PCLO: variants seen among roughly 807,000 people sequenced by gnomAD.
PCLO encodes the protein piccolo presynaptic cytomatrix protein, also known as protein piccolo.
A neutral mutation model predicts 427.5 loss-of-function variants in PCLO; 82 were observed. The ratio of observed to expected loss-of-function variants is 0.19; its 90% confidence interval spans 0.16 to 0.23. The LOEUF is 0.23. Among genes scored for constraint, PCLO ranks in the 10% least tolerant of loss-of-function variants. PCLO has a pLI of 1.00. For missense variants in PCLO, 6,239 were observed against 6,115.9 expected (o/e 1.02, Z -0.67); for synonymous variants, 2,357 against 2,155.4 (o/e 1.09, Z -2.59).
intron 3 of PCLO, among the ~76,000 whole-genome samples, chr7:82,988,603 A>C (rs890620359): frequency 6.6e-6 from 1 of 152,092 alleles, no homozygotes; most frequent in South Asian, 2.1e-4. Flanking sequence ...AAATATCTTG[A>C]GCTATCATTG....
At chr7:82,938,851 C>T (rs950198836) in intron 6 of PCLO, among the ~76,000 whole-genome samples, 1 of 151,882 alleles carries the variant, frequency 6.6e-6, no homozygotes, top group Non-Finnish European at 1.5e-5. Flanking sequence ...AATGAGATAG[C>T]GATATATTCC....
intron 7 of PCLO, among the ~76,000 whole-genome samples, chr7:82,910,456 T>C (rs1794295700): frequency 6.6e-6 from 1 of 152,114 alleles, no homozygotes; most frequent in African/African-American, 2.4e-5. Flanking sequence ...AGTCTTAGAT[T>C]TGAGAAAATA....
At chr7:82,979,616 T>A (rs1796102698) in intron 3 of PCLO, among the ~76,000 whole-genome samples, 1 of 152,188 alleles carries the variant, frequency 6.6e-6, no homozygotes, top group South Asian at 2.1e-4. Flanking sequence ...TTTGTTTCTA[T>A]CAGCAAACAG....
chr7:82,951,715 C>T (rs1795354743), intron 5 of PCLO, 141 bp downstream of exon 5: 6 of 1,298,776 alleles, frequency 4.6e-6, no homozygotes, highest in Admixed American at 5.7e-5. Flanking sequence ...CGCACTTGTA[C>T]TCCAAAATAT....
At chr7:82,983,154 T>C (rs1431178244) in intron 3 of PCLO, among the ~76,000 whole-genome samples, 4 of 151,560 alleles carry the variant, frequency 2.6e-5, no homozygotes, top group African/African-American at 7.2e-5. Context: ...TTTATTCACA[T>C]TGAGTACAAA....
At chr7:83,066,090 T>C (rs1262557510) in intron 3 of PCLO, among the ~76,000 whole-genome samples, 2 of 152,270 alleles carry the variant, frequency 1.3e-5, no homozygotes, top group Non-Finnish European at 2.9e-5. Flanking sequence ...TGTGTTTCAA[T>C]TCTTGTGAAT....
intron 20 of PCLO, among the ~76,000 whole-genome samples, chr7:82,814,728 C>A (rs2115592429): frequency 6.6e-6 from 1 of 151,954 alleles, no homozygotes; most frequent in Non-Finnish European, 1.5e-5. Flanking sequence ...TATGTAGCTG[C>A]TGGAAAACTC....
chr7:82,789,822 T>A (rs1791064367), intron 22 of PCLO, among the ~76,000 whole-genome samples: 1 of 152,226 alleles, frequency 6.6e-6, no homozygotes, highest in African/African-American at 2.4e-5. Flanking sequence ...TTCTTCAAAA[T>A]CCCGTGAAGG....
intron 9 of PCLO, among the ~76,000 whole-genome samples, chr7:82,892,706 A>G (rs1205601604): frequency 6.6e-6 from 1 of 152,162 alleles, no homozygotes; most frequent in Non-Finnish European, 1.5e-5. Flanking sequence ...TCCAGAATCT[A>G]CAATGAACTC....
chr7:82,781,702 G>C (rs1790877203), intron 22 of PCLO, among the ~76,000 whole-genome samples: 1 of 152,170 alleles, frequency 6.6e-6, no homozygotes, highest in Admixed American at 6.5e-5. Flanking sequence ...CCTCCTTTCA[G>C]CTGCCCCAAG....
chr7:83,026,987 C>T, intron 3 of PCLO, among the ~76,000 whole-genome samples: 2 of 112,986 alleles, frequency 1.8e-5, no homozygotes, highest in South Asian at 3.4e-4. Context: ...GCACTAAATG[C>T]CCACAAGAGA....
rs549530760 is a variant in PCLO at position 83,132,446 on chromosome 7, T to C, written c.3300+1804A>G. 2.6e-5 allele frequency among the ~76,000 whole-genome samples: 4 copies of C among 152,272 alleles called. No individual in the cohort carries two copies. In the South Asian group the frequency reaches 8.3e-4, roughly 32 times the overall value. On this transcript the variant is annotated intron_variant, in intron 3 of 24. Coordinates refer to ENST00000333891, the MANE Select transcript of PCLO (RefSeq NM_033026.6). ...ATGTCCTTTGTAATTCTCTGCTTCA[T>C]TCAAGAAATCTCCTTTCCAAATTAC...
intron 22 of PCLO, among the ~76,000 whole-genome samples, chr7:82,797,430 T>C (rs1325581973): frequency 6.6e-6 from 1 of 152,146 alleles, no homozygotes. Flanking sequence ...ATGTTTTTAG[T>C]GTAAATTGGG....
Position 82,755,326 on chromosome 7 carries a change from A to G in PCLO, c.*3249T>C, listed in dbSNP as rs1790294637. On this transcript the variant is annotated 3_prime_UTR_variant, in exon 25 of 25. Coordinates refer to ENST00000333891, the MANE Select transcript of PCLO (RefSeq NM_033026.6). ...TGATGCCCCTTAGTCTTGATATTTT[A>G]AACTGAAATATAAATAAAGAGTTCA... The G allele has an allele frequency of 6.6e-6, 1 of 152,148 alleles. No homozygotes were observed. Among genetic ancestry groups the G allele is most frequent in the East Asian group, 1.9e-4 (1 of 5,196 alleles). The allele number at this position is 152,148 out of a possible 1,614,324, so 9.4% of individuals were successfully genotyped here.
intron 3 of PCLO, among the ~76,000 whole-genome samples, chr7:82,989,762 C>T (rs949031098): frequency 2.6e-5 from 4 of 151,910 alleles, no homozygotes; most frequent in Non-Finnish European, 5.9e-5. Context: ...GTGAAATTTC[C>T]CTTCTCCTTT....
intron 24 of PCLO, among the ~76,000 whole-genome samples, chr7:82,760,316 A>G (rs1369369936): frequency 6.6e-6 from 1 of 151,968 alleles, no homozygotes; most frequent in Non-Finnish European, 1.5e-5. Context: ...GGCATAAATG[A>G]CAATAGGCCA....
intron 3 of PCLO, among the ~76,000 whole-genome samples, chr7:82,970,941 T>A (rs2115698638): frequency 6.6e-6 from 1 of 152,012 alleles, no homozygotes; most frequent in East Asian, 1.9e-4. Flanking sequence ...CAGAAAAATT[T>A]GCTTCTCCCA....
chr7:83,086,717 C>T (rs973589059), intron 3 of PCLO, among the ~76,000 whole-genome samples: 1 of 151,920 alleles, frequency 6.6e-6, no homozygotes, highest in African/African-American at 2.4e-5. Flanking sequence ...TTGAATAATT[C>T]TGAAAAAGAA....
At chr7:83,055,779 T>TG (rs1393780724) in intron 3 of PCLO, among the ~76,000 whole-genome samples, 1 of 152,174 alleles carries the variant, frequency 6.6e-6, no homozygotes, top group Non-Finnish European at 1.5e-5. Context: ...AAGGAAAAGC[T>TG]ATTAGGTAAA....
Sources: allele counts gnomAD v4.1 joint callset (sites outside exome capture counted in the v4.1 genomes callset), GRCh38; gene constraint gnomAD v4.1.1; transcripts MANE v1.5; gene names NCBI Gene and HGNC (gene_info 2026-07-23, HGNC 2026-07-21).